PIK3R6: variants seen among roughly 807,000 people sequenced by gnomAD.
PIK3R6 encodes phosphoinositide 3-kinase regulatory subunit 6.
In PIK3R6, 91 loss-of-function variants were observed where a neutral mutation model predicts 84.9. That is an observed-to-expected ratio of 1.07 (90% CI 0.90 to 1.28). The LOEUF (loss-of-function observed/expected upper bound fraction) is 1.28. PIK3R6 is among the 50% of genes most tolerant of loss of function. The pLI, the probability that PIK3R6 is intolerant of heterozygous loss-of-function variation, is 0.00. For missense variants in PIK3R6, 996 were observed against 985.1 expected (o/e 1.01, Z -0.15); for synonymous variants, 416 against 411.4 (o/e 1.01, Z -0.13).
rs1555533025 is a variant in PIK3R6 at position 8,829,299 on chromosome 17, C to CACACAG, written c.890-310_890-309insCTGTGT. ...GACACACACACGCATCATGCATACA[C>CACACAG]ACACACTGACACACGCATGCACGCA... On this transcript the variant is annotated intron_variant, in intron 10 of 19. Coordinates refer to ENST00000619866, the MANE Select transcript of PIK3R6 (RefSeq NM_001010855.4). 8.6e-4 allele frequency among the ~76,000 whole-genome samples: 127 copies of CACACAG among 148,346 alleles called. 1 individual carries two copies. In the East Asian group the frequency reaches 0.017, roughly 20 times the overall value.
intron 18 of PIK3R6, among the ~76,000 whole-genome samples, chr17:8,818,365 C>T (rs75675630): frequency 0.037 from 5,589 of 152,142 alleles, 364 homozygotes; most frequent in African/African-American, 0.12. Context: ...TCAGTAAGTA[C>T]TGGCCAGGCG....
intron 18 of PIK3R6, among the ~76,000 whole-genome samples, chr17:8,815,919 C>A (rs1002942561): frequency 6.6e-6 from 1 of 152,188 alleles, no homozygotes; most frequent in Non-Finnish European, 1.5e-5. Flanking sequence ...ACACTATCTT[C>A]GTGGTCTGGC....
At chr17:8,850,135 C>G (rs1325764642) in intron 1 of PIK3R6, among the ~76,000 whole-genome samples, 2 of 152,030 alleles carry the variant, frequency 1.3e-5, no homozygotes, top group Non-Finnish European at 2.9e-5. Context: ...GAAACCCCGT[C>G]TCTACTAAAA....
chr17:8,809,154 T>C (rs9916762), intron 18 of PIK3R6, among the ~76,000 whole-genome samples: 2,447 of 152,260 alleles, frequency 0.016, 39 homozygotes, highest in African/African-American at 0.041. Flanking sequence ...CTATTTTCAG[T>C]CTTCTTAAAG....
chr17:8,817,665 A>G (rs192914110), intron 18 of PIK3R6, among the ~76,000 whole-genome samples: 1,652 of 151,916 alleles, frequency 0.011, 17 homozygotes, highest in Non-Finnish European at 0.02. Context: ...CAAAACAAAA[A>G]AAACAAAAAC....
chr17:8,811,747 C>T (rs2087363945), intron 18 of PIK3R6, among the ~76,000 whole-genome samples: 1 of 148,246 alleles, frequency 6.7e-6, no homozygotes, highest in South Asian at 2.3e-4. Context: ...CTTTATTGTC[C>T]ATATCGCTAT....
At chr17:8,855,853 C>T (rs1428490637) in intron 1 of PIK3R6, among the ~76,000 whole-genome samples, 2 of 152,222 alleles carry the variant, frequency 1.3e-5, no homozygotes, top group African/African-American at 2.4e-5. Flanking sequence ...GAAATAAAAA[C>T]TTATGTTCAC....
At chr17:8,808,719 C>T (rs1344348805) in intron 18 of PIK3R6, among the ~76,000 whole-genome samples, 1 of 152,098 alleles carries the variant, frequency 6.6e-6, no homozygotes, top group African/African-American at 2.4e-5. Flanking sequence ...GGAACTAAAT[C>T]CTTGTGAGTT....
intron 16 of PIK3R6, 74 bp from the exon 17 acceptor site, chr17:8,822,010 G>T: frequency 7.8e-6 from 9 of 1,158,638 alleles, no homozygotes; most frequent in Non-Finnish European, 1.1e-5. Context: ...CACATCCACA[G>T]TCTTGCCTCT....
Position 8,803,074 on chromosome 17 carries a change from G to A in PIK3R6, c.*199C>T. 1.7e-6 allele frequency: 1 copy of A among 602,626 alleles called. No individual in the cohort carries two copies. Among genetic ancestry groups the A allele is most frequent in the Non-Finnish European group, 2.9e-6 (1 of 347,974 alleles). The allele number at this position is 602,626 out of a possible 1,614,324, so 37.3% of individuals were successfully genotyped here. On this transcript the variant is annotated 3_prime_UTR_variant, in exon 20 of 20. Coordinates refer to ENST00000619866, the MANE Select transcript of PIK3R6 (RefSeq NM_001010855.4). The surrounding 1 kb of genome is among the most constrained non-coding windows in gnomAD (Gnocchi z 5.0). ...TCTCAAGCAGCGACAGCATTGCCTGGGCCATCCGTAGACCTCCATGTGGGC... is the reference window on the plus strand; with the variant it reads ...TCTCAAGCAGCGACAGCATTGCCTGAGCCATCCGTAGACCTCCATGTGGGC...
intron 1 of PIK3R6, among the ~76,000 whole-genome samples, chr17:8,856,085 G>A (rs1181672612): frequency 2.0e-5 from 3 of 152,154 alleles, no homozygotes; most frequent in Admixed American, 6.5e-5. Context: ...ATGCCGTATG[G>A]TTCCATTTAT....
At position 8,828,786 on chromosome 17, in the gene PIK3R6, C is replaced by A; in HGVS notation, c.1094G>T (p.Gly365Val). ...CTTGATGCCCCCTTTGCGCTGCAGC[C>A]CGGCTCGCTCCATCTCAGGGCTGCC... is the stretch of plus-strand genomic sequence containing the variant. ...APGSPEMERAGLQRKGGIKKR... is the reference protein window; with the variant it reads ...APGSPEMERAVLQRKGGIKKR... The change falls in exon 11 of 20, where the codon GGG becomes GTG. Residue 365 changes from glycine (G) to valine (V), a missense_variant. Transcript: ENST00000619866. 6.3e-7 allele frequency: 1 copy of A among 1,587,126 alleles called. No individual in the cohort carries two copies. The highest frequency in any genetic ancestry group is 1.1e-5 in the South Asian group (1 of 87,858).
chr17:8,823,376 G>T lies in PIK3R6; in HGVS notation c.1626+11C>A, dbSNP rs757920775. 5.1e-6 allele frequency: 8 copies of T among 1,566,532 alleles called. No homozygotes were observed. The highest frequency in any genetic ancestry group is 1.7e-4 in the Middle Eastern group (1 of 5,900). On this transcript the variant is annotated intron_variant, in intron 14 of 19. Transcript: ENST00000619866. ...CCTGGGGTCCCTTGGAGCCTCCAGT[G>T]GGATGCTTACCTTGACTGTGTAGAT...
Position 8,835,324 on chromosome 17 carries a change from C to T in PIK3R6, c.594G>A (p.Gln198=), listed in dbSNP as rs1385735199. 2 of 1,605,070 alleles carry T rather than the reference C, an allele frequency of 1.2e-6. No individual in the cohort carries two copies. Among genetic ancestry groups the T allele is most frequent in the East Asian group, 2.2e-5 (1 of 44,698 alleles). The part of the protein sequence containing the change: ...CMRHVVSHAL[Q]AALGEACHAG... ...CGTGACAGGCCTCCCCCAGAGCCGC[C>T]TGCAGGGCGTGGGAGACCACGTGGC... The change falls in exon 8 of 20, where the codon CAG becomes CAA. Residue 198 remains glutamine (Q), a synonymous_variant. Coordinates refer to ENST00000619866, the MANE Select transcript of PIK3R6 (RefSeq NM_001010855.4).
intron 12 of PIK3R6, among the ~76,000 whole-genome samples, chr17:8,827,760 AGAG>A (rs1450436537): frequency 1.3e-4 from 8 of 63,166 alleles, no homozygotes; most frequent in African/African-American, 3.9e-4. Context: ...AGAGAGAGAG[AGAG>A]GAGAGAGAGA....
rs897417673 is a variant in PIK3R6, at chr17:8,802,760, A to C, written c.*513T>G. On this transcript the variant is annotated 3_prime_UTR_variant, in exon 20 of 20. Transcript: ENST00000619866. ...GAAAGACTTCAGTGTACATTTATTG[A>C]GTCTGACATTTTTCTCTCACCTGAT... 1 of 160,528 alleles carries C rather than the reference A, an allele frequency of 6.2e-6. No individual in the cohort carries two copies. Among genetic ancestry groups the C allele is most frequent in the African/African-American group, 2.4e-5 (1 of 41,474 alleles). The allele number at this position is 160,528 out of a possible 1,614,324, so 9.9% of individuals were successfully genotyped here.
chr17:8,853,191 A>T (rs77853486), intron 1 of PIK3R6, among the ~76,000 whole-genome samples: 101 of 148,564 alleles, frequency 6.8e-4, no homozygotes, highest in African/African-American at 2.3e-3. Flanking sequence ...TTTTTTTTTT[A>T]AATAAATATT....
chr17:8,848,881 A>T (rs1459532184), intron 2 of PIK3R6, among the ~76,000 whole-genome samples: 1 of 152,162 alleles, frequency 6.6e-6, no homozygotes. Flanking sequence ...ATGCCATAGG[A>T]ATATTAGCAA....
intron 1 of PIK3R6, among the ~76,000 whole-genome samples, chr17:8,852,535 C>G (rs915430658): frequency 6.6e-6 from 1 of 151,800 alleles, no homozygotes; most frequent in Admixed American, 6.6e-5. Flanking sequence ...GTCAAGAGTT[C>G]GAGACCAGCC....
Sources: gnomAD v4.1 joint callset for allele counts (sites outside exome capture counted in the v4.1 genomes callset) on GRCh38, gnomAD v4.1.1 for gene constraint, Gnocchi (gnomAD v3.1) non-coding constraint, MANE v1.5 for transcripts, NCBI Gene and HGNC (gene_info 2026-07-23, HGNC 2026-07-21) for gene names.